MICU2: variants seen among roughly 807,000 people sequenced by gnomAD.
MICU2 encodes mitochondrial calcium uptake 2.
A neutral mutation model predicts 60.4 loss-of-function variants in MICU2; 64 were observed. That is an observed-to-expected ratio of 1.06 (90% CI 0.87 to 1.31). The LOEUF is 1.31. Among genes scored for constraint, MICU2 ranks in the 50% most tolerant of loss-of-function variants. The pLI is 0.00. For missense variants in MICU2, 569 were observed against 531.0 expected (o/e 1.07, Z -0.70); for synonymous variants, 201 against 175.0 (o/e 1.15, Z -1.17).
chr13:21,500,370 TA>T (rs1886115102), intron 9 of MICU2, among the ~76,000 whole-genome samples: 1 of 149,614 alleles, frequency 6.7e-6, no homozygotes. Context: ...ATATATTAAA[TA>T]GGGAAAAAAA....
At chr13:21,530,859 C>A in intron 4 of MICU2, 1 of 738,002 alleles carries the variant, frequency 1.4e-6, no homozygotes, top group East Asian at 2.6e-5. Context: ...TGAGCCTGGA[C>A]TCACCCTCCT....
intron 4 of MICU2, among the ~76,000 whole-genome samples, chr13:21,524,110 T>C (rs1032389636): frequency 1.3e-5 from 2 of 152,206 alleles, no homozygotes; most frequent in African/African-American, 4.8e-5. Context: ...CTTCCTGATA[T>C]GCTAAAAAAC....
At chr13:21,545,170 A>G (rs901985348) in intron 2 of MICU2, among the ~76,000 whole-genome samples, 3 of 152,230 alleles carry the variant, frequency 2.0e-5, no homozygotes, top group Non-Finnish European at 4.4e-5. Context: ...ACAACAGCCA[A>G]GACATGGAAT....
rs576892440 is a variant in MICU2, at chr13:21,542,954, C to A, written c.359-3266G>T. Among the ~76,000 whole-genome samples the A allele has an allele frequency of 3.3e-5, 5 of 152,304 alleles. No individual in the cohort carries two copies. The East Asian group carries it at 7.7e-4, about 23-fold the overall frequency. ...ATCATAATTACAAAAACAACACCAG[C>A]ACTACATAACTTAATTTCATTTTGT... On this transcript the variant is annotated intron_variant, in intron 2 of 11. Coordinates refer to ENST00000382374, the MANE Select transcript of MICU2 (RefSeq NM_152726.3).
intron 9 of MICU2, among the ~76,000 whole-genome samples, chr13:21,501,658 G>A (rs977500911): frequency 2.0e-5 from 3 of 152,144 alleles, no homozygotes; most frequent in South Asian, 4.1e-4. Flanking sequence ...CTGCACGTAC[G>A]AAAGACTGAA....
At chr13:21,563,776 C>G (rs1887907879) in intron 2 of MICU2, among the ~76,000 whole-genome samples, 1 of 150,834 alleles carries the variant, frequency 6.6e-6, no homozygotes. Flanking sequence ...ATTCTTTTCT[C>G]AGCCAGGTCC....
chr13:21,519,331 TA>T (rs1474882585), intron 6 of MICU2, among the ~76,000 whole-genome samples: 1 of 152,194 alleles, frequency 6.6e-6, no homozygotes, highest in Non-Finnish European at 1.5e-5. Flanking sequence ...GGGCTGGGAT[TA>T]CAGGCGTGAG....
At chr13:21,522,011 T>C (rs955339317) in intron 5 of MICU2, among the ~76,000 whole-genome samples, 10 of 152,226 alleles carry the variant, frequency 6.6e-5, no homozygotes, top group Admixed American at 5.9e-4. Context: ...ACTCCTGGGC[T>C]CAAGCTAAAG....
chr13:21,496,840 G>C (rs1011984413), intron 9 of MICU2, among the ~76,000 whole-genome samples: 1 of 152,034 alleles, frequency 6.6e-6, no homozygotes, highest in African/African-American at 2.4e-5. Context: ...CGGATCACGA[G>C]GTCGGAAGAT....
intron 1 of MICU2, among the ~76,000 whole-genome samples, chr13:21,592,542 G>A (rs1021200367): frequency 6.6e-6 from 1 of 152,110 alleles, no homozygotes; most frequent in Non-Finnish European, 1.5e-5. Flanking sequence ...ACCAAGATCA[G>A]GAAAAGACAC....
At chr13:21,530,290 T>G (rs992704980) in intron 4 of MICU2, among the ~76,000 whole-genome samples, 2 of 152,206 alleles carry the variant, frequency 1.3e-5, no homozygotes, top group Non-Finnish European at 2.9e-5. Context: ...TTACTGTTTC[T>G]GGTTCCTTTT....
intron 1 of MICU2, among the ~76,000 whole-genome samples, chr13:21,595,213 C>A (rs1214060327): frequency 6.6e-6 from 1 of 152,186 alleles, no homozygotes; most frequent in Non-Finnish European, 1.5e-5. Flanking sequence ...CAGCTAAAAT[C>A]CACACTTCTT....
intron 1 of MICU2, among the ~76,000 whole-genome samples, chr13:21,569,643 TTATAA>T (rs1277755091): frequency 4.6e-5 from 7 of 151,828 alleles, no homozygotes; most frequent in African/African-American, 1.5e-4. Flanking sequence ...CTCTGTAGTA[TTATAA>T]TATACTGTAG....
intron 11 of MICU2, among the ~76,000 whole-genome samples, chr13:21,493,785 A>T (rs1387243364): frequency 7.4e-6 from 1 of 134,446 alleles, no homozygotes; most frequent in Non-Finnish European, 1.5e-5. Context: ...GGCTAAAATT[A>T]AAAAAAAAAA....
At chr13:21,551,073 T>C (rs991929149) in intron 2 of MICU2, among the ~76,000 whole-genome samples, 1 of 152,234 alleles carries the variant, frequency 6.6e-6, no homozygotes, top group Non-Finnish European at 1.5e-5. Flanking sequence ...GCTCATGTCC[T>C]AACATGCCAC....
At chr13:21,510,678 C>A (rs775632070) in intron 7 of MICU2, among the ~76,000 whole-genome samples, 1 of 151,946 alleles carries the variant, frequency 6.6e-6, no homozygotes, top group Admixed American at 6.6e-5. Context: ...TAAGTTTAAG[C>A]CACAATTTTG....
intron 1 of MICU2, among the ~76,000 whole-genome samples, chr13:21,576,503 G>A (rs1888230479): frequency 6.6e-6 from 1 of 152,132 alleles, no homozygotes; most frequent in Non-Finnish European, 1.5e-5. Context: ...AAGCAAAGAG[G>A]AGATGGATTA....
chr13:21,530,785 G>A, intron 4 of MICU2: 1 of 662,458 alleles, frequency 1.5e-6, no homozygotes, highest in Non-Finnish European at 2.7e-6. Flanking sequence ...CCCAGCAGCA[G>A]CACCAGGAAG....
intron 2 of MICU2, among the ~76,000 whole-genome samples, chr13:21,557,695 AG>A: frequency 6.6e-6 from 1 of 152,190 alleles, no homozygotes; most frequent in Non-Finnish European, 1.5e-5. Context: ...AATGATCTGT[AG>A]GAATGCAACC....
Sources: allele counts gnomAD v4.1 joint callset (sites outside exome capture counted in the v4.1 genomes callset), GRCh38; gene constraint gnomAD v4.1.1; transcripts MANE v1.5; gene names NCBI Gene and HGNC (gene_info 2026-07-23, HGNC 2026-07-21).